SRGN: variants seen among roughly 807,000 people sequenced by gnomAD.
SRGN encodes the protein serglycin.
A neutral mutation model predicts 9.5 loss-of-function variants in SRGN; 2 were observed. The ratio of observed to expected loss-of-function variants is 0.21; its 90% confidence interval spans 0.09 to 0.66. SRGN has a LOEUF of 0.66. SRGN is among the 30% of genes least tolerant of loss of function. SRGN has a pLI of 0.83. For synonymous variants in SRGN, 59 were observed against 72.3 expected (o/e 0.82, Z 0.93); for missense variants, 170 against 192.4 (o/e 0.88, Z 0.69).
Position 69,104,400 on chromosome 10 carries a change from C to T in SRGN, c.*280C>T, listed in dbSNP as rs1840357356. Reference sequence around the variant, plus strand: ...TTAGATTCCCATGGCCATAAAATGGCTTTAAAGAATATATATATATTTTTA... The same window carrying T: ...TTAGATTCCCATGGCCATAAAATGGTTTTAAAGAATATATATATATTTTTA... On this transcript the variant is annotated 3_prime_UTR_variant, in exon 3 of 3. Transcript: ENST00000242465. 4.6e-6 allele frequency: 1 copy of T among 216,064 alleles called. No individual in the cohort carries two copies. Among genetic ancestry groups the T allele is most frequent in the South Asian group, 8.6e-5 (1 of 11,618 alleles). The allele number at this position is 216,064 out of a possible 1,614,324, so 13.4% of individuals were successfully genotyped here.
At position 69,104,093 on chromosome 10, in the gene SRGN, T is replaced by C; in HGVS notation, c.450T>C (p.His150=). The C allele has an allele frequency of 6.2e-7, 1 of 1,614,170 alleles. No individual in the cohort carries two copies. Among genetic ancestry groups the C allele is most frequent in the Non-Finnish European group, 8.5e-7 (1 of 1,180,026 alleles). ...CAGACAGCCAGGACTTGGGTCAACA[T>C]GGATTAGAAGAGGATTTTATGTTAT... ...LPSDSQDLGQ[H]GLEEDFML Residue 150 remains histidine (H), a synonymous_variant, in exon 3 of 3, where the codon CAT becomes CAC. Transcript: ENST00000242465.
intron 1 of SRGN, among the ~76,000 whole-genome samples, chr10:69,091,879 C>CAAAAAAAAAAAAAAAAAAAAAA (rs1177012248): frequency 2.6e-3 from 81 of 31,752 alleles, no homozygotes; most frequent in Non-Finnish European, 3.0e-3. Context: ...GACTCTGTCT[C>CAAAAAAAAAAAAAAAAAAAAAA]AAAAAAAAAA....
Position 69,104,023 on chromosome 10 carries a change from A to T in SRGN, c.380A>T (p.Asp127Val). ...EQDYQLVDES[D>V]AFHDNLRSLD... ...GATTACCAACTAGTAGACGAAAGTG[A>T]TGCTTTCCATGACAACCTTAGGTCT... is the stretch of plus-strand genomic sequence containing the variant. The change falls in exon 3 of 3, where the codon GAT (aspartate) becomes GTT (valine). Residue 127 changes from aspartate (D) to valine (V), a missense_variant. Transcript: ENST00000242465. The T allele has an allele frequency of 6.2e-7, 1 of 1,614,216 alleles. No individual in the cohort carries two copies. The highest frequency in any genetic ancestry group is 1.1e-5 in the South Asian group (1 of 91,086).
chr10:69,097,419 C>G (rs2132157845), intron 2 of SRGN, among the ~76,000 whole-genome samples, 188 bp downstream of exon 2: 1 of 123,910 alleles, frequency 8.1e-6, no homozygotes, highest in South Asian at 2.8e-4. Flanking sequence ...TGCCACCATG[C>G]CCAGCTAATT....
intron 1 of SRGN, among the ~76,000 whole-genome samples, chr10:69,089,923 G>A (rs1344390469): frequency 3.3e-5 from 5 of 151,588 alleles, no homozygotes; most frequent in Non-Finnish European, 4.4e-5. Flanking sequence ...GAGAGAGAAA[G>A]AAAGGAAAGA....
chr10:69,089,128 T>C (rs534827453), intron 1 of SRGN, among the ~76,000 whole-genome samples: 2 of 152,198 alleles, frequency 1.3e-5, no homozygotes, highest in Non-Finnish European at 2.9e-5. Flanking sequence ...CTAGATTTGT[T>C]TCGTCAAAGC....
chr10:69,097,468 T>C (rs1324815583), intron 2 of SRGN, among the ~76,000 whole-genome samples: 6 of 141,352 alleles, frequency 4.2e-5, no homozygotes, highest in South Asian at 2.3e-4. Context: ...AGTCTGTCGC[T>C]CAGGCTGGAG....
chr10:69,099,279 C>T (rs1840240090), intron 2 of SRGN, among the ~76,000 whole-genome samples: 1 of 151,280 alleles, frequency 6.6e-6, no homozygotes, highest in Non-Finnish European at 1.5e-5. Flanking sequence ...CATTTCACAT[C>T]ACTTTGGGAT....
chr10:69,100,233 C>T (rs149552978), intron 2 of SRGN, among the ~76,000 whole-genome samples: 3 of 151,924 alleles, frequency 2.0e-5, no homozygotes, highest in Admixed American at 2.0e-4. Flanking sequence ...CATGGAGAAA[C>T]CTCGTCTCTA....
intron 1 of SRGN, among the ~76,000 whole-genome samples, chr10:69,094,386 T>C (rs370271199): frequency 6.6e-6 from 1 of 152,158 alleles, no homozygotes; most frequent in South Asian, 2.1e-4. Flanking sequence ...TATTAAAGTG[T>C]TTAATGTTTA....
At chr10:69,091,726 A>AAAAC (rs1281267963) in intron 1 of SRGN, among the ~76,000 whole-genome samples, 8 of 147,688 alleles carry the variant, frequency 5.4e-5, no homozygotes, top group Admixed American at 1.4e-4. Context: ...CTAAAAATAC[A>AAAAC]AAAATTAGCC....
At chr10:69,095,551 T>C (rs958609712) in intron 1 of SRGN, among the ~76,000 whole-genome samples, 3 of 152,120 alleles carry the variant, frequency 2.0e-5, no homozygotes, top group Non-Finnish European at 4.4e-5. Flanking sequence ...GAAGTATTTC[T>C]CACCACCAGG....
chr10:69,104,264 T>A lies in SRGN; in HGVS notation c.*144T>A. 1 of 1,082,152 alleles carries A rather than the reference T, an allele frequency of 9.2e-7. No homozygotes were observed. Among genetic ancestry groups the A allele is most frequent in the Non-Finnish European group, 1.3e-6 (1 of 771,688 alleles). 67.0% of individuals were successfully genotyped at this position (1,082,152 alleles called of 1,614,324 possible). On this transcript the variant is annotated 3_prime_UTR_variant, in exon 3 of 3. Transcript: ENST00000242465. ...AGCTTAAGTTTTATCATCCTTTTTT[T>A]TCTCATGAATTCTTAAAGGATTATG...
At chr10:69,099,768 A>G (rs950675566) in intron 2 of SRGN, among the ~76,000 whole-genome samples, 29 of 152,316 alleles carry the variant, frequency 1.9e-4, no homozygotes, top group African/African-American at 5.5e-4. Context: ...AGCATCCTTC[A>G]TTACTTTAAA....
At chr10:69,103,399 C>T (rs909418710) in intron 2 of SRGN, among the ~76,000 whole-genome samples, 2 of 151,912 alleles carry the variant, frequency 1.3e-5, no homozygotes, top group Non-Finnish European at 2.9e-5. Flanking sequence ...AAAAATTAGC[C>T]AGGCATGGTG....
chr10:69,089,826 G>A (rs916225178), intron 1 of SRGN, among the ~76,000 whole-genome samples: 16 of 152,098 alleles, frequency 1.1e-4, no homozygotes, highest in Non-Finnish European at 1.2e-4. Context: ...AACCTGGGAG[G>A]TGGAGGTTGC....
At chr10:69,087,871 G>A (rs1839969813), upstream of SRGN, among the ~76,000 whole-genome samples, 1 of 152,048 alleles carries the variant, frequency 6.6e-6, no homozygotes, top group Non-Finnish European at 1.5e-5. Context: ...AAAAAAAAAT[G>A]TCTTGCAGGC....
At chr10:69,090,380 G>A (rs1056344368) in intron 1 of SRGN, among the ~76,000 whole-genome samples, 2 of 152,106 alleles carry the variant, frequency 1.3e-5, no homozygotes, top group African/African-American at 4.8e-5. Flanking sequence ...TGGTTTGCTC[G>A]GGTTGCCATA....
At position 69,093,126 on chromosome 10, in the gene SRGN, A is replaced by G. The variant is rs561455126; in HGVS notation, c.80-3958A>G. Among the ~76,000 whole-genome samples, 27 of 152,308 alleles carry G rather than the reference A, an allele frequency of 1.8e-4. No individual in the cohort carries two copies. In the South Asian group the frequency reaches 1.9e-3, roughly 11 times the overall value. ...TCAGTGCATCAGCGGCTTGCAGAAG[A>G]GACTGCCTAGGCCTGCTCTGTCCAG... On this transcript the variant is annotated intron_variant, in intron 1 of 2. Coordinates refer to ENST00000242465, the MANE Select transcript of SRGN (RefSeq NM_002727.4).
Sources: allele counts gnomAD v4.1 joint callset (sites outside exome capture counted in the v4.1 genomes callset), GRCh38; gene constraint gnomAD v4.1.1; transcripts MANE v1.5; gene names NCBI Gene and HGNC (gene_info 2026-07-23, HGNC 2026-07-21).